The following COL14A1 variants were observed in gnomAD, a reference collection of about 807,000 sequenced individuals.
The protein encoded by COL14A1 is collagen alpha-1(XIV) chain.
A neutral mutation model predicts 230.3 loss-of-function variants in COL14A1; 136 were observed. The ratio of observed to expected loss-of-function variants is 0.59; its 90% confidence interval spans 0.51 to 0.68. The LOEUF (loss-of-function observed/expected upper bound fraction) is 0.68. Among genes scored for constraint, COL14A1 ranks in the 30% least tolerant of loss-of-function variants. The pLI, the probability that COL14A1 is intolerant of heterozygous loss-of-function variation, is 0.00. For missense variants in COL14A1, 1,976 were observed against 2,215.8 expected (o/e 0.89, Z 2.17); for synonymous variants, 792 against 784.1 (o/e 1.01, Z -0.17).
chr8:120,339,916 T>C (rs1156660055), intron 42 of COL14A1, among the ~76,000 whole-genome samples: 3 of 151,760 alleles, frequency 2.0e-5, no homozygotes, highest in Non-Finnish European at 2.9e-5. Flanking sequence ...CACGCACCTG[T>C]AGTCTCAGCT....
chr8:120,152,210 C>A (rs1285101858), intron 2 of COL14A1, among the ~76,000 whole-genome samples: 1 of 151,818 alleles, frequency 6.6e-6, no homozygotes, highest in Non-Finnish European at 1.5e-5. Context: ...GTCTGTAATC[C>A]CAGCACTTTG....
intron 26 of COL14A1, 51 bp downstream of exon 26, chr8:120,270,225 C>T: frequency 1.3e-6 from 2 of 1,537,602 alleles, no homozygotes; most frequent in Non-Finnish European, 8.8e-7. Flanking sequence ...AATTATTTCT[C>T]CAGCTCTTAT....
At chr8:120,213,891 C>T in intron 13 of COL14A1, 2 of 402,870 alleles carry the variant, frequency 5.0e-6, no homozygotes, top group Non-Finnish European at 9.7e-6. Flanking sequence ...GTGCACACTA[C>T]TTAATTATAT....
intron 5 of COL14A1, 57 bp from the exon 6 acceptor site, chr8:120,196,734 T>C: frequency 6.4e-7 from 1 of 1,561,118 alleles, no homozygotes; most frequent in Non-Finnish European, 8.7e-7. Context: ...TAAGATGGAC[T>C]GTTTTTGAAG....
chr8:120,192,754 C>CT, intron 5 of COL14A1, among the ~76,000 whole-genome samples: 1 of 152,164 alleles, frequency 6.6e-6, no homozygotes, highest in East Asian at 1.9e-4. Context: ...TCTTTTTATT[C>CT]TTTTTTCTCT....
chr8:120,233,906 G>A (rs1017131426), intron 19 of COL14A1, among the ~76,000 whole-genome samples: 3 of 152,126 alleles, frequency 2.0e-5, no homozygotes, highest in Non-Finnish European at 4.4e-5. Context: ...AATTACTTTG[G>A]GCAATATGGC....
intron 46 of COL14A1, 128 bp downstream of exon 46, chr8:120,367,376 T>C: frequency 4.0e-6 from 3 of 745,418 alleles, no homozygotes; most frequent in Non-Finnish European, 6.5e-6. Flanking sequence ...TTACTTGTTT[T>C]ATTGGGAGGC....
At chr8:120,199,644 C>T in intron 8 of COL14A1, 78 bp downstream of exon 8, 1 of 1,441,792 alleles carries the variant, frequency 6.9e-7, no homozygotes, top group Non-Finnish European at 9.4e-7. Flanking sequence ...ATGTGAAATG[C>T]ACTTCACTGA....
At chr8:120,294,750 C>G (rs141204846) in intron 34 of COL14A1, among the ~76,000 whole-genome samples, 2 of 151,662 alleles carry the variant, frequency 1.3e-5, no homozygotes, top group East Asian at 3.9e-4. Flanking sequence ...GCTGAGGAAT[C>G]TAAACTATTA....
chr8:120,366,887 A>C (rs1823421381), intron 45 of COL14A1, among the ~76,000 whole-genome samples: 2 of 152,250 alleles, frequency 1.3e-5, no homozygotes, highest in South Asian at 4.1e-4. Flanking sequence ...GACAAGGACC[A>C]GTTCTTGGCA....
intron 19 of COL14A1, 106 bp downstream of exon 19, chr8:120,231,724 C>G: frequency 1.7e-6 from 2 of 1,155,972 alleles, no homozygotes; most frequent in South Asian, 1.7e-5. Flanking sequence ...TTCTCAGTGA[C>G]TCTGCCATCT....
At position 120,287,685 on chromosome 8, in the gene COL14A1, A is replaced by C. The variant is rs16893824; in HGVS notation, c.4077+1715A>C. On this transcript the variant is annotated intron_variant, in intron 33 of 47. Transcript: ENST00000297848. ...GTTATATGAAGGAAGACTTCCCTCT[A>C]CTTTAAGTGTTAATAAAGCCAAAAA... 3.6e-3 allele frequency among the ~76,000 whole-genome samples: 549 copies of C among 152,296 alleles called. 3 individuals are homozygous for C. The highest frequency in any genetic ancestry group is 0.012 in the African/African-American group (500 of 41,568).
intron 45 of COL14A1, among the ~76,000 whole-genome samples, chr8:120,356,620 A>C (rs182110290): frequency 2.6e-5 from 4 of 152,186 alleles, no homozygotes; most frequent in Admixed American, 1.3e-4. Flanking sequence ...TCAATCATTT[A>C]ATTTCAGTTG....
intron 24 of COL14A1, among the ~76,000 whole-genome samples, chr8:120,264,227 A>C (rs1428508651): frequency 6.6e-6 from 1 of 152,162 alleles, no homozygotes. Context: ...AGTCTTTTAC[A>C]TCTGGCATCT....
At chr8:120,275,512 C>T (rs536559141) in intron 26 of COL14A1, among the ~76,000 whole-genome samples, 1 of 151,590 alleles carries the variant, frequency 6.6e-6, no homozygotes, top group South Asian at 2.1e-4. Flanking sequence ...AACTAAAAAC[C>T]TTCTGAACAG....
chr8:120,164,915 A>G (rs1211163357), intron 4 of COL14A1, among the ~76,000 whole-genome samples: 2 of 152,238 alleles, frequency 1.3e-5, no homozygotes, highest in Admixed American at 6.5e-5. Context: ...CACTGATTGA[A>G]CAGGGGAAGA....
At chr8:120,151,211 G>A (rs919417128) in intron 2 of COL14A1, among the ~76,000 whole-genome samples, 3 of 152,094 alleles carry the variant, frequency 2.0e-5, no homozygotes, top group Admixed American at 6.6e-5. Flanking sequence ...TCTTATTTAC[G>A]TGACTGATTT....
intron 30 of COL14A1, 83 bp from the exon 31 acceptor site, chr8:120,280,838 T>G: frequency 6.7e-7 from 1 of 1,493,578 alleles, no homozygotes. Flanking sequence ...TTTAAATCCT[T>G]AATAGAAAAA....
chr8:120,311,603 G>C (rs1196384988), intron 37 of COL14A1, among the ~76,000 whole-genome samples: 1 of 152,104 alleles, frequency 6.6e-6, no homozygotes, highest in African/African-American at 2.4e-5. Flanking sequence ...GGACAGTGCA[G>C]GAATAGATAC....
Sources: gnomAD v4.1 joint callset for allele counts (sites outside exome capture counted in the v4.1 genomes callset) on GRCh38, gnomAD v4.1.1 for gene constraint, MANE v1.5 for transcripts, NCBI Gene and HGNC (gene_info 2026-07-23, HGNC 2026-07-21) for gene names.